PLAGL1: variants seen among roughly 807,000 people sequenced by gnomAD.
PLAGL1 encodes PLAG1 like zinc finger 1.
Under a neutral mutation model 4.6 loss-of-function variants are expected in PLAGL1, and 1 was observed. The ratio of observed to expected loss-of-function variants is 0.22; its 90% CI spans 0.08 to 1.03. The LOEUF (loss-of-function observed/expected upper bound fraction) is 1.03. PLAGL1 is among the 50% of genes least tolerant of loss of function. The pLI is 0.58. For synonymous variants in PLAGL1, 240 were observed against 237.8 expected, an observed-to-expected ratio of 1.01 and a Z score of -0.08; for missense variants, 464 against 570.4, an observed-to-expected ratio of 0.81 and a Z score of 1.90.
rs1037570541 is a variant in PLAGL1 at position 143,984,689 on chromosome 6, C to T, written c.-544+446G>A. ...AAGATGATGAAAAACAAAACCATCT[C>T]AGAAAATAACTTCTCAAAGATGTAT... On this transcript the variant is annotated intron_variant, in intron 2 of 7. Transcript: ENST00000674357. This position sits in a 1 kb window ranked among gnomAD's most constrained non-coding sequence, Gnocchi z 5.5. 1.3e-5 allele frequency among the ~76,000 whole-genome samples: 2 copies of T among 152,140 alleles called. No homozygotes were observed. The highest frequency in any genetic ancestry group is 2.9e-5 in the Non-Finnish European group (2 of 68,026).
At chr6:144,019,861 G>A (rs191993401) in intron 1 of PLAGL1, among the ~76,000 whole-genome samples, 1 of 151,488 alleles carries the variant, frequency 6.6e-6, no homozygotes, top group African/African-American at 2.4e-5. Flanking sequence ...TATTCAAGCT[G>A]GTAGGAACTG....
intron 1 of PLAGL1, among the ~76,000 whole-genome samples, chr6:144,033,212 C>T (rs541386075): frequency 1.3e-5 from 2 of 152,236 alleles, no homozygotes; most frequent in South Asian, 4.1e-4. Flanking sequence ...ATTGCTAAAG[C>T]CTGGAATATA....
chr6:144,025,318 A>G (rs1184861687), intron 1 of PLAGL1, among the ~76,000 whole-genome samples: 2 of 152,242 alleles, frequency 1.3e-5, no homozygotes, highest in African/African-American at 2.4e-5. Flanking sequence ...GTCACAGCCA[A>G]GAAGTCCCTA....
chr6:143,999,918 A>G (rs1792474971), intron 1 of PLAGL1, among the ~76,000 whole-genome samples: 2 of 152,154 alleles, frequency 1.3e-5, no homozygotes, highest in African/African-American at 4.8e-5. Flanking sequence ...AATCCTCTCA[A>G]CAACCTTATA....
intron 1 of PLAGL1, among the ~76,000 whole-genome samples, chr6:144,042,279 T>C (rs935354131): frequency 6.6e-6 from 1 of 152,158 alleles, no homozygotes; most frequent in African/African-American, 2.4e-5. Flanking sequence ...ACTGCCTAGG[T>C]TTTCTTCTAG....
rs1056741726 is a variant in PLAGL1, at chr6:144,039,320, C to A, written c.-151+25148G>T. ...CACATGCTGGCCAGATGCAGTGGCT[C>A]ACACCTGTAATCTCAACACTTTGGG... is the stretch of plus-strand genomic sequence containing the variant. On this transcript the variant is annotated intron_variant, in intron 1 of 3. Transcript: ENST00000437412. The surrounding 1 kb of genome is among the most constrained non-coding windows in gnomAD (Gnocchi z 4.1). 6.6e-6 allele frequency among the ~76,000 whole-genome samples: 1 copy of A among 152,126 alleles called. No individual in the cohort carries two copies. The highest frequency in any genetic ancestry group is 2.4e-5 in the African/African-American group (1 of 41,422).
At position 143,953,208 on chromosome 6, in the gene PLAGL1, C is replaced by T. The variant is rs1781428940; in HGVS notation, c.-324-4748G>A. 6.6e-6 allele frequency among the ~76,000 whole-genome samples: 1 copy of T among 152,224 alleles called. No homozygotes were observed. Among genetic ancestry groups the T allele is most frequent in the Admixed American group, 6.5e-5 (1 of 15,288 alleles). On this transcript the variant is annotated intron_variant, in intron 6 of 7. Transcript: ENST00000674357. This position sits in a 1 kb window ranked among gnomAD's most constrained non-coding sequence, Gnocchi z 5.3. ...CTCAATGGCCCAGTAGAGATCTCCA[C>T]CTTAATATGTTTGAAGAGCTTTCAC...
At chr6:144,025,646 T>C (rs1044568864) in intron 1 of PLAGL1, among the ~76,000 whole-genome samples, 1 of 152,138 alleles carries the variant, frequency 6.6e-6, no homozygotes, top group African/African-American at 2.4e-5. Context: ...TCCTAGCACT[T>C]TGGGAGGCTG....
At chr6:143,956,028 G>T (rs1011960175) in intron 6 of PLAGL1, among the ~76,000 whole-genome samples, 2 of 152,228 alleles carry the variant, frequency 1.3e-5, no homozygotes, top group African/African-American at 4.8e-5. Context: ...GGGCATTCGG[G>T]CCAGCAAGGA....
chr6:144,030,346 A>C (rs892203016), intron 1 of PLAGL1, among the ~76,000 whole-genome samples: 2 of 150,596 alleles, frequency 1.3e-5, no homozygotes, highest in African/African-American at 2.4e-5. Context: ...ACAGCTTTTT[A>C]AAATTTTTTT....
intron 1 of PLAGL1, among the ~76,000 whole-genome samples, chr6:144,042,891 T>A (rs1797847591): frequency 1.3e-5 from 2 of 152,234 alleles, no homozygotes; most frequent in South Asian, 4.1e-4. Context: ...GTCCTTCACA[T>A]CCCTTGTAAG....
Position 143,996,042 on chromosome 6 carries a change from C to G in PLAGL1, c.-583-10868G>C, listed in dbSNP as rs148524245. ...GGTCACCCTCCCACCATCGTCCACT[C>G]TATTTTGTGACCTGCTGAGCCACAT... On this transcript the variant is annotated intron_variant, in intron 1 of 7. Transcript: ENST00000674357. Among the ~76,000 whole-genome samples, 759 of 152,264 alleles carry G rather than the reference C, an allele frequency of 5.0e-3. 6 individuals carry two copies. The highest frequency in any genetic ancestry group is 0.017 in the African/African-American group (714 of 41,544).
intron 1 of PLAGL1, chr6:144,037,415 CA>C (rs34570725): frequency 0.39 from 34,237 of 88,028 alleles, 5,262 homozygotes; most frequent in Non-Finnish European, 0.47. Context: ...CCATCTCTAC[CA>C]AAAAAAAAAA....
rs1487781534 is a variant in PLAGL1, at chr6:143,954,974, C to G, written c.-325+5495G>C. On this transcript the variant is annotated intron_variant, in intron 6 of 7. Transcript: ENST00000674357. This position sits in a 1 kb window ranked among gnomAD's most constrained non-coding sequence, Gnocchi z 5.1. ...AAAATAAAGACAGGTAACTAGTGCC[C>G]AGCCAAAGGGAAAGAGACAATATGC... Among the ~76,000 whole-genome samples, 1 of 152,112 alleles carries G rather than the reference C, an allele frequency of 6.6e-6. No homozygotes were observed. Among genetic ancestry groups the G allele is most frequent in the African/African-American group, 2.4e-5 (1 of 41,406 alleles).
At position 143,970,386 on chromosome 6, in the gene PLAGL1, ATACAAATGATTAAC is replaced by A. The variant is rs1785197113; in HGVS notation, c.-543-1422_-543-1409del. Among the ~76,000 whole-genome samples the A allele has an allele frequency of 1.3e-5, 2 of 152,240 alleles. No homozygotes were observed. The highest frequency in any genetic ancestry group is 2.1e-4 in the South Asian group (1 of 4,832). Reference sequence around the variant, plus strand: ...TAAGTATTTTAACAACCTCATTAACATACAAATGATTAACTACAAATGATTAGGTATCTAATTAT... The same window carrying A: ...TAAGTATTTTAACAACCTCATTAACATACAAATGATTAGGTATCTAATTAT... On this transcript the variant is annotated intron_variant, in intron 2 of 7. Coordinates refer to ENST00000674357, the MANE Select transcript of PLAGL1 (RefSeq NM_001317162.2). The surrounding 1 kb of genome is among the most constrained non-coding windows in gnomAD (Gnocchi z 5.8).
intron 2 of PLAGL1, among the ~76,000 whole-genome samples, chr6:143,976,210 T>A (rs1030264961): frequency 1.3e-5 from 2 of 151,392 alleles, no homozygotes; most frequent in Admixed American, 1.3e-4. Context: ...GAAGGTGACA[T>A]TTATCCAACC....
At chr6:144,054,984 T>C (rs1019250800) in intron 1 of PLAGL1, among the ~76,000 whole-genome samples, 3 of 152,174 alleles carry the variant, frequency 2.0e-5, no homozygotes, top group African/African-American at 7.2e-5. Context: ...TTTGGACATG[T>C]ACAAATTAAA....
chr6:144,057,317 T>C (rs1317251322), intron 1 of PLAGL1, among the ~76,000 whole-genome samples: 1 of 152,258 alleles, frequency 6.6e-6, no homozygotes, highest in Non-Finnish European at 1.5e-5. Context: ...CCTTGCTTGA[T>C]AGAAATGTAA....
intron 1 of PLAGL1, among the ~76,000 whole-genome samples, chr6:144,035,332 G>T (rs956171408): frequency 1.3e-5 from 2 of 152,196 alleles, no homozygotes; most frequent in African/African-American, 4.8e-5. Context: ...AGGCCCGAGA[G>T]CCCATGGAAA....
Sources: gnomAD v4.1 joint callset for allele counts (sites outside exome capture counted in the v4.1 genomes callset) on GRCh38, gnomAD v4.1.1 for gene constraint, Gnocchi (gnomAD v3.1) non-coding constraint, MANE v1.5 for transcripts, NCBI Gene and HGNC (gene_info 2026-07-23, HGNC 2026-07-21) for gene names.